Variants in HEXIM2 observed in about 807,000 individuals in gnomAD.
HEXIM2 encodes the protein HEXIM P-TEFb complex subunit 2.
For missense variants in HEXIM2, 413 were observed against 390.8 expected (o/e 1.06, Z -0.48); for synonymous variants, 159 against 162.7 (o/e 0.98, Z 0.17).
intron 3 of HEXIM2, among the ~76,000 whole-genome samples, chr17:45,168,087 T>C (rs996361257): frequency 1.4e-5 from 2 of 147,192 alleles, no homozygotes; most frequent in African/African-American, 5.1e-5. Flanking sequence ...TTTCACCATG[T>C]TGGCCATCCT....
At chr17:45,168,716 T>G in intron 3 of HEXIM2, 1 of 303,962 alleles carries the variant, frequency 3.3e-6, no homozygotes, top group East Asian at 5.8e-5. Context: ...ACTTTACTCA[T>G]TTGGACAGTA....
chr17:45,169,255 C>A lies in HEXIM2; in HGVS notation c.307C>A (p.Arg103=), dbSNP rs1246564788. ...GCCATCGAAGCGCAAAAGGCACTGGCGACCCTACCTGGAGCTGAGCTGGGC... is the reference window on the plus strand; with the variant it reads ...GCCATCGAAGCGCAAAAGGCACTGGAGACCCTACCTGGAGCTGAGCTGGGC... ...RRPSKRKRHW[R]PYLELSWAEK... Residue 103 remains arginine (R), a synonymous_variant, in exon 4 of 4, where the codon CGA becomes AGA. Coordinates refer to ENST00000589230, the MANE Select transcript of HEXIM2 (RefSeq NM_001303441.2). The A allele has an allele frequency of 6.2e-7, 1 of 1,613,788 alleles. No individual in the cohort carries two copies. The highest frequency in any genetic ancestry group is 2.2e-5 in the East Asian group (1 of 44,888).
intron 3 of HEXIM2, among the ~76,000 whole-genome samples, chr17:45,168,058 A>G (rs1160857082): frequency 6.9e-6 from 1 of 144,964 alleles, no homozygotes; most frequent in Non-Finnish European, 1.5e-5. Flanking sequence ...TTATTTTTGT[A>G]TTTTTCGTAG....
At position 45,169,799 on chromosome 17, in the gene HEXIM2, C is replaced by A; in HGVS notation, c.851C>A (p.Pro284Gln). Residue 284 changes from proline (P) to glutamine (Q), a missense_variant, in exon 4 of 4, where the codon CCG becomes CAG. By Grantham distance (76) the Pro-to-Gln change is moderately conservative (BLOSUM62 -1). Transcript: ENST00000589230. ...NREGCRCDEE[P>Q]GT ...GAGGGCTGCCGCTGTGATGAGGAGC[C>A]GGGTACCTAGGGGTGCCTCCCAGCC... 1 of 1,440,158 alleles carries A rather than the reference C, an allele frequency of 6.9e-7. No homozygotes were observed. Among genetic ancestry groups the A allele is most frequent in the Non-Finnish European group, 9.1e-7 (1 of 1,098,552 alleles). The allele number at this position is 1,440,158 out of a possible 1,614,324, so 89.2% of individuals were successfully genotyped here. A position where few individuals can be genotyped will look rare whatever the true frequency, so the allele number is the denominator to read the frequency against.
chr17:45,165,419 G>A (rs188332147), intron 3 of HEXIM2, among the ~76,000 whole-genome samples: 3 of 152,168 alleles, frequency 2.0e-5, no homozygotes, highest in Non-Finnish European at 2.9e-5. Flanking sequence ...CATGGACCAC[G>A]CTCACATGTC....
upstream of HEXIM2, among the ~76,000 whole-genome samples, chr17:45,160,357 C>T (rs1257082585): frequency 6.6e-6 from 1 of 151,958 alleles, no homozygotes; most frequent in East Asian, 1.9e-4. Context: ...ATTGAGGTTA[C>T]CTAGTAACAA....
At chr17:45,168,190 A>AT (rs1462719678) in intron 3 of HEXIM2, among the ~76,000 whole-genome samples, 3 of 149,576 alleles carry the variant, frequency 2.0e-5, no homozygotes, top group African/African-American at 7.3e-5. Context: ...AGCCTAAAAA[A>AT]CTTATTTTAG....
In HEXIM2 at chr17:45,169,372, A is replaced by C; in HGVS notation, c.424A>C (p.Asn142His). ...FAKGQPVAPY[N>H]TTQFLMNDRD... is the part of the protein sequence containing the mutation. ...CAAAGGCCAGCCCGTGGCCCCCTAC[A>C]ACACCACCCAGTTCCTGATGAATGA... is the stretch of plus-strand genomic sequence containing the variant. The change falls in exon 4 of 4, where the codon AAC becomes CAC. Residue 142 changes from asparagine (N) to histidine (H), a missense_variant. By Grantham distance (68) the Asn-to-His change is moderately conservative. Transcript: ENST00000589230. 1 of 1,613,888 alleles carries C rather than the reference A, an allele frequency of 6.2e-7. No homozygotes were observed. The highest frequency in any genetic ancestry group is 8.5e-7 in the Non-Finnish European group (1 of 1,180,008).
At position 45,169,552 on chromosome 17, in the gene HEXIM2, A is replaced by C; in HGVS notation, c.604A>C (p.Thr202Pro). 6.4e-7 allele frequency: 1 copy of C among 1,565,832 alleles called. No individual in the cohort carries two copies. The highest frequency in any genetic ancestry group is 8.6e-7 in the Non-Finnish European group (1 of 1,156,090). Residue 202 changes from threonine (T) to proline (P), a missense_variant, in exon 4 of 4, where the codon ACC becomes CCC. Physicochemically the swap from Thr to Pro is conservative, Grantham distance 38. Transcript: ENST00000589230. ...DFSETYERFH[T>P]ESLQGRSKQE... ...CTCTGAGACTTACGAACGCTTCCACACCGAGAGCCTGCAGGGCCGCAGCAA... is the reference window on the plus strand; with the variant it reads ...CTCTGAGACTTACGAACGCTTCCACCCCGAGAGCCTGCAGGGCCGCAGCAA...
Position 45,169,693 on chromosome 17 carries a change from G to A in HEXIM2, c.745G>A (p.Val249Met), listed in dbSNP as rs1316233999. The change falls in exon 4 of 4, where the codon GTG becomes ATG. Residue 249 changes from valine to methionine, a missense_variant. Val to Met is a conservative substitution (Grantham distance 21). Coordinates refer to ENST00000589230, the MANE Select transcript of HEXIM2 (RefSeq NM_001303441.2). ...CACCGGCCAGCAGTCCTGCCGCCAG[G>A]TGGAGGAGCTGGCTGCCGAGGTCCA... Reference protein sequence around the residue: ...ACTGQQSCRQVEELAAEVQRL... With the variant: ...ACTGQQSCRQMEELAAEVQRL... 1.4e-5 allele frequency: 22 copies of A among 1,530,744 alleles called. No individual in the cohort carries two copies. The highest frequency in any genetic ancestry group is 1.7e-5 in the Non-Finnish European group (19 of 1,136,054). 94.8% of individuals were successfully genotyped at this position (1,530,744 alleles called of 1,614,324 possible). A position where few individuals can be genotyped will look rare whatever the true frequency, so the allele number is the denominator to read the frequency against.
At position 45,166,973 on chromosome 17, in the gene HEXIM2, T is replaced by A. The variant is rs1423011105; in HGVS notation, c.67-2042T>A. Among the ~76,000 whole-genome samples, 2 of 135,584 alleles carry A rather than the reference T, an allele frequency of 1.5e-5. 1 individual carries two copies. 88.9% of individuals were successfully genotyped at this position (135,584 alleles called of 152,430 possible). A position where few individuals can be genotyped will look rare whatever the true frequency, so the allele number is the denominator to read the frequency against. On this transcript the variant is annotated intron_variant, in intron 3 of 3. Coordinates refer to ENST00000589230, the MANE Select transcript of HEXIM2 (RefSeq NM_001303441.2). ...CTGGGAGGTGGAGGTTGCAGTGAGC[T>A]GAGGTCGGGCCACTGCACTCCAGCC...
chr17:45,166,864 A>G (rs1298569343), intron 3 of HEXIM2, among the ~76,000 whole-genome samples: 1 of 151,450 alleles, frequency 6.6e-6, no homozygotes, highest in Non-Finnish European at 1.5e-5. Context: ...TCTCTACTAA[A>G]AATACAAAAA....
intron 3 of HEXIM2, among the ~76,000 whole-genome samples, chr17:45,166,657 G>A (rs1355432241): frequency 6.6e-6 from 1 of 152,140 alleles, no homozygotes; most frequent in African/African-American, 2.4e-5. Flanking sequence ...GGCGAGATGG[G>A]GGAGTCTACA....
chr17:45,166,499 T>C (rs2042846245), intron 3 of HEXIM2, among the ~76,000 whole-genome samples: 1 of 152,230 alleles, frequency 6.6e-6, no homozygotes, highest in Admixed American at 6.5e-5. Context: ...AGATATTTAC[T>C]GAGCACTGCC....
At position 45,162,484 on chromosome 17, in the gene HEXIM2, C is replaced by G; in HGVS notation, c.-192-4C>G. On this transcript the variant is annotated splice_polypyrimidine_tract_variant and splice_region_variant and intron_variant, in intron 1 of 3. Coordinates refer to ENST00000589230, the MANE Select transcript of HEXIM2 (RefSeq NM_001303441.2). ...CTGCCAACCTGGGCCTCGGTGACTT[C>G]CAGGAGGACAGTACAGGACATGAGT... 2.6e-6 allele frequency: 3 copies of G among 1,134,320 alleles called. No individual in the cohort carries two copies. The highest frequency in any genetic ancestry group is 3.3e-6 in the Non-Finnish European group (3 of 919,934). The allele number at this position is 1,134,320 out of a possible 1,614,324, so 70.3% of individuals were successfully genotyped here.
chr17:45,166,511 T>G (rs2042846832), intron 3 of HEXIM2, among the ~76,000 whole-genome samples: 1 of 152,220 alleles, frequency 6.6e-6, no homozygotes, highest in Admixed American at 6.5e-5. Flanking sequence ...AGCACTGCCC[T>G]TGTGCTGTGC....
At chr17:45,161,032 C>T (rs1056473871), upstream of HEXIM2, 4 of 1,079,294 alleles carry the variant, frequency 3.7e-6, no homozygotes, top group Admixed American at 4.6e-5. Context: ...CTCCGCCCTC[C>T]CCCGCGGCGC....
At chr17:45,160,377 A>G (rs1420197667), upstream of HEXIM2, among the ~76,000 whole-genome samples, 1 of 152,172 alleles carries the variant, frequency 6.6e-6, no homozygotes, top group East Asian at 1.9e-4. Flanking sequence ...ATGCACCAGT[A>G]GAACACAAAA....
Position 45,169,167 on chromosome 17 carries a change from GA to G in HEXIM2, c.220del (p.Thr74ProfsTer35). The G allele has an allele frequency of 6.2e-7, 1 of 1,613,776 alleles. No individual in the cohort carries two copies. ...TGGGCTGGAACAGTAGGAGTCCCCG[GA>G]CCCAGAGCCCAGGGGGCTGCTCAGC... Reference protein sequence around the residue: ...GLGWNSRSPRTQSPGGCSAEA... With the variant: ...GLGWNSRSPRXQSPGGCSAEA... On this transcript the variant is annotated frameshift_variant, in exon 4 of 4. Coordinates refer to ENST00000589230, the MANE Select transcript of HEXIM2 (RefSeq NM_001303441.2). LOFTEE classifies it low-confidence loss of function (END_TRUNC).
Sources: gnomAD v4.1 joint callset for allele counts (sites outside exome capture counted in the v4.1 genomes callset) on GRCh38, gnomAD v4.1.1 for gene constraint, MANE v1.5 for transcripts, NCBI Gene and HGNC (gene_info 2026-07-23, HGNC 2026-07-21) for gene names.